ARMC9: variants seen among roughly 807,000 people sequenced by gnomAD.
ARMC9 encodes the protein lisH domain-containing protein ARMC9.
Under a neutral mutation model 107.0 loss-of-function variants are expected in ARMC9, and 94 were observed. The ratio of observed to expected loss-of-function variants is 0.88; its 90% confidence interval spans 0.74 to 1.04. The LOEUF (loss-of-function observed/expected upper bound fraction) is 1.04. ARMC9 is among the 50% of genes least tolerant of loss of function. The pLI, the probability that ARMC9 is intolerant of heterozygous loss-of-function variation, is 0.00. For synonymous variants in ARMC9, 380 were observed against 396.9 expected, an observed-to-expected ratio of 0.96 and a Z score of 0.51; for missense variants, 942 against 1,030.1, an observed-to-expected ratio of 0.91 and a Z score of 1.17.
At chr2:231,265,994 T>C (rs1044296965) in intron 12 of ARMC9, among the ~76,000 whole-genome samples, 50 of 139,690 alleles carry the variant, frequency 3.6e-4, no homozygotes, top group African/African-American at 9.8e-4. Context: ...TGAGACGCCA[T>C]CTAAAAAAAA....
chr2:231,254,677 A>C (rs975022391), intron 9 of ARMC9, among the ~76,000 whole-genome samples: 34 of 152,122 alleles, frequency 2.2e-4, no homozygotes, highest in African/African-American at 7.5e-4. Context: ...ATTGAAAAAA[A>C]TTGAAAAAAA....
At position 231,307,824 on chromosome 2, in the gene ARMC9, G is replaced by A. The variant is rs898995326; in HGVS notation, c.1773+11571G>A. ...TTCAGCCCAATTGACAAAAACTGAA[G>A]TCTTTCAAAAGGAACTTTTATTAAA... On this transcript the variant is annotated intron_variant, in intron 19 of 24. Coordinates refer to ENST00000611582, the MANE Select transcript of ARMC9 (RefSeq NM_001352754.2). Among the ~76,000 whole-genome samples, 4 of 152,220 alleles carry A rather than the reference G, an allele frequency of 2.6e-5. No individual in the cohort carries two copies. In the East Asian group the frequency reaches 7.7e-4, roughly 29 times the overall value.
chr2:231,351,691 A>G (rs1358739791), intron 21 of ARMC9, among the ~76,000 whole-genome samples: 1 of 152,056 alleles, frequency 6.6e-6, no homozygotes, highest in Non-Finnish European at 1.5e-5. Flanking sequence ...CATCCTGTAA[A>G]AGATGATTTA....
At chr2:231,310,876 C>T (rs1400350345) in intron 19 of ARMC9, among the ~76,000 whole-genome samples, 1 of 152,158 alleles carries the variant, frequency 6.6e-6, no homozygotes, top group African/African-American at 2.4e-5. Flanking sequence ...CTTGTAATCC[C>T]AGCACTTTGG....
intron 22 of ARMC9, among the ~76,000 whole-genome samples, chr2:231,357,383 G>A (rs1231280413): frequency 2.6e-5 from 4 of 152,108 alleles, no homozygotes; most frequent in Non-Finnish European, 4.4e-5. Flanking sequence ...TGCTGAGACC[G>A]TGTTCTGAGT....
At chr2:231,325,640 C>G (rs1165735505) in intron 19 of ARMC9, among the ~76,000 whole-genome samples, 1 of 152,140 alleles carries the variant, frequency 6.6e-6, no homozygotes, top group Non-Finnish European at 1.5e-5. Context: ...CTTTGGTTCA[C>G]AAGGAGTACT....
chr2:231,301,209 T>A (rs944770447), intron 19 of ARMC9, among the ~76,000 whole-genome samples: 6 of 152,236 alleles, frequency 3.9e-5, no homozygotes, highest in African/African-American at 1.4e-4. Context: ...TTGAAAGTCC[T>A]TCTGAGTTAG....
intron 19 of ARMC9, among the ~76,000 whole-genome samples, chr2:231,327,586 G>A (rs1311445217): frequency 6.6e-6 from 1 of 152,076 alleles, no homozygotes; most frequent in East Asian, 1.9e-4. Flanking sequence ...TTGTTGAAGG[G>A]CATCTACTGT....
rs919718378 is a variant in ARMC9 at position 231,226,785 on chromosome 2, A to C, written c.609A>C (p.Gly203=). 6.2e-7 allele frequency: 1 copy of C among 1,613,606 alleles called. No individual in the cohort carries two copies. The highest frequency in any genetic ancestry group is 8.5e-7 in the Non-Finnish European group (1 of 1,179,674). Reference sequence around the variant, plus strand: ...CTTTTTCATCCCAGAAGGAGAATGGACAAAGTAACAAAGGTAAATCATCTA... The same window carrying C: ...CTTTTTCATCCCAGAAGGAGAATGGCCAAAGTAACAAAGGTAAATCATCTA... ...PKLLTIYKEN[G]QSNKEILQQL... The change falls in exon 7 of 25, where the codon GGA becomes GGC. Residue 203 remains glycine, a synonymous_variant. Transcript: ENST00000611582.
intron 15 of ARMC9, among the ~76,000 whole-genome samples, chr2:231,277,562 CTTT>C (rs5839396): frequency 2.9e-5 from 4 of 135,906 alleles, no homozygotes; most frequent in Non-Finnish European, 3.2e-5. Flanking sequence ...AAGTCCTAGC[CTTT>C]TTTTTTTTTT....
intron 5 of ARMC9, among the ~76,000 whole-genome samples, chr2:231,218,815 A>G (rs12478898): frequency 0.32 from 47,766 of 151,342 alleles, 8,421 homozygotes; most frequent in African/African-American, 0.47. Context: ...GCAATGGCTC[A>G]ATCTTGGCTC....
chr2:231,222,041 C>T (rs999209885), intron 5 of ARMC9, among the ~76,000 whole-genome samples: 3 of 151,784 alleles, frequency 2.0e-5, no homozygotes, highest in East Asian at 1.9e-4. Context: ...TTAGTGGCTT[C>T]GCTGCATTTT....
chr2:231,318,111 G>C (rs986851296), intron 19 of ARMC9, among the ~76,000 whole-genome samples: 1 of 151,770 alleles, frequency 6.6e-6, no homozygotes, highest in South Asian at 2.1e-4. Flanking sequence ...ACGTGTTGTC[G>C]TGATTCTAGA....
chr2:231,250,715 G>A (rs925959085), intron 9 of ARMC9, among the ~76,000 whole-genome samples: 2 of 152,138 alleles, frequency 1.3e-5, no homozygotes, highest in African/African-American at 4.8e-5. Context: ...GCCTTGCGGG[G>A]GCCTGGGTTG....
intron 19 of ARMC9, among the ~76,000 whole-genome samples, chr2:231,309,147 C>G (rs896157616): frequency 6.6e-5 from 10 of 152,206 alleles, no homozygotes; most frequent in African/African-American, 2.2e-4. Flanking sequence ...CTCTCAGACC[C>G]TGGCTGGGAT....
intron 19 of ARMC9, among the ~76,000 whole-genome samples, chr2:231,316,542 G>A (rs906811507): frequency 4.6e-5 from 7 of 151,744 alleles, no homozygotes; most frequent in African/African-American, 1.5e-4. Context: ...CATGCTACTT[G>A]GGAGGCTGAG....
chr2:231,288,758 G>A lies in ARMC9; in HGVS notation c.1627-2595G>A, dbSNP rs1390691124. On this transcript the variant is annotated intron_variant, in intron 17 of 24. Transcript: ENST00000611582. The stretch of plus-strand genomic sequence containing the variant: ...TGCCCAGGGCCACACGGCCGGCGAG[G>A]GGCTACGCACCGTGGTTTGACTCCA... 1.3e-5 allele frequency: 6 copies of A among 470,722 alleles called. No individual in the cohort carries two copies. In the East Asian group the frequency reaches 2.1e-4, roughly 16 times the overall value. 29.2% of individuals were successfully genotyped at this position (470,722 alleles called of 1,614,324 possible). A position where few individuals can be genotyped will look rare whatever the true frequency, so the allele number is the denominator to read the frequency against.
chr2:231,287,246 G>GTGC (rs2040658672), intron 17 of ARMC9, among the ~76,000 whole-genome samples: 1 of 152,208 alleles, frequency 6.6e-6, no homozygotes, highest in South Asian at 2.1e-4. Flanking sequence ...AGAGGGCTGG[G>GTGC]TGCTGCTGCT....
At chr2:231,333,781 C>G (rs894339041) in intron 20 of ARMC9, among the ~76,000 whole-genome samples, 1 of 152,222 alleles carries the variant, frequency 6.6e-6, no homozygotes, top group African/African-American at 2.4e-5. Flanking sequence ...GACAGACACG[C>G]AGGCACGTAA....
Sources: gnomAD v4.1 joint callset for allele counts (sites outside exome capture counted in the v4.1 genomes callset) on GRCh38, gnomAD v4.1.1 for gene constraint, MANE v1.5 for transcripts, NCBI Gene and HGNC (gene_info 2026-07-23, HGNC 2026-07-21) for gene names.